LGSN: variants seen among roughly 807,000 people sequenced by gnomAD.
The protein encoded by LGSN is lengsin, lens protein with glutamine synthetase domain.
LGSN carries 21 observed loss-of-function variants against 19.5 expected under a neutral mutation model. That is an observed-to-expected ratio of 1.07 (90% CI 0.76 to 1.55). The LOEUF (loss-of-function observed/expected upper bound fraction) is 1.55. LGSN is among the 40% of genes most tolerant of loss of function. The pLI, the probability that LGSN is intolerant of heterozygous loss-of-function variation, is 0.00. For missense variants in LGSN, 673 were observed against 608.5 expected (o/e 1.11, Z -1.12); for synonymous variants, 257 against 215.6 (o/e 1.19, Z -1.68).
chr6:63,411,025 T>A, the LGSN span, among the ~76,000 whole-genome samples: 1 of 152,172 alleles, frequency 6.6e-6, no homozygotes, highest in Non-Finnish European at 1.5e-5. Context: ...GAAATGTAAA[T>A]TGTGCCTAAA....
chr6:63,505,631 A>G, the LGSN span, among the ~76,000 whole-genome samples: 10 of 99,294 alleles, frequency 1.0e-4, no homozygotes, highest in South Asian at 3.3e-4. Flanking sequence ...GAAAGAAAGA[A>G]AGAAATTCTG....
chr6:63,562,714 A>G, the LGSN span, among the ~76,000 whole-genome samples: 2 of 152,212 alleles, frequency 1.3e-5, no homozygotes, highest in African/African-American at 2.4e-5. Flanking sequence ...ATCTATCAAG[A>G]GTTTAATTGT....
At chr6:63,393,932 A>AGGAGGTCTGCAAAAGAT in the LGSN span, among the ~76,000 whole-genome samples, 1 of 152,144 alleles carries the variant, frequency 6.6e-6, no homozygotes, top group Non-Finnish European at 1.5e-5. Flanking sequence ...AGGATGAGAT[A>AGGAGGTCTGCAAAAGAT]GGAGGTCTGC....
the LGSN span, among the ~76,000 whole-genome samples, chr6:63,505,699 G>A: frequency 5.9e-5 from 9 of 151,360 alleles, no homozygotes; most frequent in African/African-American, 1.5e-4. Context: ...TCGCTCTGTC[G>A]CCCAGGCCAA....
chr6:63,282,351 CTCTT>C (rs1767352774), intron 3 of LGSN, among the ~76,000 whole-genome samples: 1 of 152,128 alleles, frequency 6.6e-6, no homozygotes, highest in African/African-American at 2.4e-5. Flanking sequence ...TTCTTTCTTT[CTCTT>C]TCTTTCTCTT....
At chr6:63,338,332 A>C in the LGSN span, among the ~76,000 whole-genome samples, 1 of 152,202 alleles carries the variant, frequency 6.6e-6, no homozygotes, top group African/African-American at 2.4e-5. Context: ...GGGTACAGCT[A>C]CATTTCAGAT....
chr6:63,543,549 G>A, the LGSN span, among the ~76,000 whole-genome samples: 1 of 152,128 alleles, frequency 6.6e-6, no homozygotes, highest in South Asian at 2.1e-4. Flanking sequence ...TTGAATAAAT[G>A]CATCTATGTA....
intron 1 of LGSN, among the ~76,000 whole-genome samples, chr6:63,305,239 G>T (rs1768335514): frequency 1.3e-5 from 2 of 152,162 alleles, no homozygotes; most frequent in South Asian, 4.1e-4. Flanking sequence ...AAACAATCAG[G>T]TTATTTTTCT....
At chr6:63,306,812 C>T (rs748788862) in intron 1 of LGSN, among the ~76,000 whole-genome samples, 3 of 152,200 alleles carry the variant, frequency 2.0e-5, no homozygotes, top group African/African-American at 4.8e-5. Flanking sequence ...CATATTAAAA[C>T]GTGGCCCTCG....
At chr6:63,510,059 T>A in the LGSN span, among the ~76,000 whole-genome samples, 1 of 152,222 alleles carries the variant, frequency 6.6e-6, no homozygotes, top group African/African-American at 2.4e-5. Flanking sequence ...AAATTAATAT[T>A]GGGGCAAGTT....
chr6:63,492,979 A>G, the LGSN span, among the ~76,000 whole-genome samples: 1 of 152,144 alleles, frequency 6.6e-6, no homozygotes, highest in African/African-American at 2.4e-5. Context: ...CATTTTACAG[A>G]CTATTCTGCT....
chr6:63,455,372 A>G, the LGSN span, among the ~76,000 whole-genome samples: 2 of 152,260 alleles, frequency 1.3e-5, no homozygotes, highest in African/African-American at 4.8e-5. Context: ...GATACAAAGA[A>G]CAATGCATAG....
chr6:63,308,773 T>G (rs370196688), intron 1 of LGSN, among the ~76,000 whole-genome samples: 1 of 152,098 alleles, frequency 6.6e-6, no homozygotes, highest in African/African-American at 2.4e-5. Flanking sequence ...CTGTTAGAAA[T>G]AGTGGAAAAA....
the LGSN span, among the ~76,000 whole-genome samples, chr6:63,529,163 GTATA>G: frequency 6.5e-4 from 90 of 137,508 alleles, 2 homozygotes; most frequent in Non-Finnish European, 1.1e-3. Flanking sequence ...ATATATGTGT[GTATA>G]TATATATATG....
At chr6:63,288,801 C>T (rs1055250496) in intron 2 of LGSN, among the ~76,000 whole-genome samples, 2 of 152,158 alleles carry the variant, frequency 1.3e-5, no homozygotes, top group African/African-American at 4.8e-5. Context: ...TGTCTGTGGC[C>T]TAAACTCTTC....
At chr6:63,299,041 C>CT (rs1330692149) in intron 1 of LGSN, among the ~76,000 whole-genome samples, 1 of 151,308 alleles carries the variant, frequency 6.6e-6, no homozygotes, top group Non-Finnish European at 1.5e-5. Context: ...AGGCTTTTTT[C>CT]TTTTTCAGAG....
the LGSN span, among the ~76,000 whole-genome samples, chr6:63,367,069 C>A: frequency 1.3e-5 from 2 of 152,102 alleles, no homozygotes; most frequent in East Asian, 1.9e-4. Flanking sequence ...GCAAAGGCAA[C>A]AAAAGCCAAA....
chr6:63,322,315 T>C (rs186089969), upstream of LGSN, among the ~76,000 whole-genome samples: 22 of 152,226 alleles, frequency 1.4e-4, no homozygotes, highest in Non-Finnish European at 2.8e-4. Context: ...GATAAGGAAA[T>C]AGGGTGAAAA....
the LGSN span, among the ~76,000 whole-genome samples, chr6:63,561,810 T>A: frequency 6.6e-6 from 1 of 152,188 alleles, no homozygotes; most frequent in South Asian, 2.1e-4. Context: ...TATAATCAGA[T>A]CAACTATCCA....
Sources: gnomAD v4.1 joint callset for allele counts (sites outside exome capture counted in the v4.1 genomes callset) on GRCh38, gnomAD v4.1.1 for gene constraint, MANE v1.5 for transcripts, NCBI Gene and HGNC (gene_info 2026-07-23, HGNC 2026-07-21) for gene names.